Variants in IBTK observed in about 807,000 individuals in gnomAD.
The protein encoded by IBTK is BTK-binding protein.
In IBTK, 83 loss-of-function variants were observed where a neutral mutation model predicts 154.9. The ratio of observed to expected loss-of-function variants is 0.54; its 90% CI spans 0.45 to 0.64. IBTK has a LOEUF of 0.64. IBTK is among the 30% of genes least tolerant of loss of function. IBTK has a pLI of 0.00. For missense variants in IBTK, 1,332 were observed against 1,584.6 expected, an observed-to-expected ratio of 0.84 and a Z score of 2.71; for synonymous variants, 515 against 536.1, an observed-to-expected ratio of 0.96 and a Z score of 0.54.
In IBTK at chr6:82,185,692, AT is replaced by A. The variant is rs556999284; in HGVS notation, c.3576-3665del. Among the ~76,000 whole-genome samples the A allele has an allele frequency of 1.4e-4, 21 of 152,120 alleles. No individual in the cohort carries two copies. In the East Asian group the frequency reaches 3.9e-3, roughly 28 times the overall value. ...AAGTGATATACTGAATTATGTGGCT[AT>A]CTCATAATTTTATAATCACATGAAA... On this transcript the variant is annotated intron_variant, in intron 25 of 28. Coordinates refer to ENST00000306270, the MANE Select transcript of IBTK (RefSeq NM_015525.4).
At chr6:82,189,029 CA>C (rs201887108) in intron 25 of IBTK, 250 of 418,174 alleles carry the variant, frequency 6.0e-4, no homozygotes, top group East Asian at 1.1e-3. Context: ...GACTCCATCT[CA>C]AAAAAAAAGA....
intron 21 of IBTK, 29 bp downstream of exon 21, chr6:82,200,112 C>T (rs756857444): frequency 7.4e-7 from 1 of 1,344,184 alleles, no homozygotes. Flanking sequence ...AAGATTAGAA[C>T]TGGAAATACA....
At chr6:82,213,195 T>C (rs1346601442) in intron 12 of IBTK, among the ~76,000 whole-genome samples, 1 of 152,094 alleles carries the variant, frequency 6.6e-6, no homozygotes, top group African/African-American at 2.4e-5. Context: ...TCCCGGCTAA[T>C]TTTTGTAATT....
rs112636283 is a variant in IBTK, at chr6:82,201,395, G to A, written c.2790+27C>T. On this transcript the variant is annotated intron_variant, in intron 19 of 28. Transcript: ENST00000306270. Reference sequence around the variant, plus strand: ...TGCTTAAGCTGGTAATATTATAGCCGCGAAAATCTTAAAACATAAACCTTA... The same window carrying A: ...TGCTTAAGCTGGTAATATTATAGCCACGAAAATCTTAAAACATAAACCTTA... 1.7e-4 allele frequency: 265 copies of A among 1,550,002 alleles called. No homozygotes were observed. The African/African-American group carries it at 2.4e-3, about 14-fold the overall frequency.
intron 11 of IBTK, among the ~76,000 whole-genome samples, chr6:82,215,713 G>A (rs1769842700): frequency 1.3e-5 from 2 of 150,868 alleles, no homozygotes; most frequent in South Asian, 4.2e-4. Flanking sequence ...CTTCATCCTG[G>A]GAGGTGGAGG....
intron 21 of IBTK, 127 bp downstream of exon 21, chr6:82,200,014 C>G (rs1016607137): frequency 6.3e-6 from 4 of 638,770 alleles, no homozygotes; most frequent in Non-Finnish European, 5.4e-6. Flanking sequence ...AACTGGAGTA[C>G]TTACAATAAA....
Position 82,200,758 on chromosome 6 carries a change from T to G in IBTK, c.2791-50A>C, listed in dbSNP as rs554032166. ...TCAAATACAAAATCTGTGAAGTTTT[T>G]TTTTTTTTTTTTTTTTTTTTTTTGT... On this transcript the variant is annotated intron_variant, in intron 19 of 28. Coordinates refer to ENST00000306270, the MANE Select transcript of IBTK (RefSeq NM_015525.4). 9.8e-3 allele frequency: 11,736 copies of G among 1,203,528 alleles called. 24 individuals carry two copies. The highest frequency in any genetic ancestry group is 0.019 in the Middle Eastern group (63 of 3,396). 74.6% of individuals were successfully genotyped at this position (1,203,528 alleles called of 1,614,324 possible). A position where few individuals can be genotyped will look rare whatever the true frequency, so the allele number is the denominator to read the frequency against.
At chr6:82,231,685 T>A in intron 4 of IBTK, 33 bp downstream of exon 4, 4 of 1,522,556 alleles carry the variant, frequency 2.6e-6, no homozygotes, top group African/African-American at 1.4e-5. Flanking sequence ...CTTTCTCATC[T>A]CTAAAAGTAT....
At chr6:82,236,016 G>A (rs1770702212) in intron 2 of IBTK, among the ~76,000 whole-genome samples, 1 of 152,140 alleles carries the variant, frequency 6.6e-6, no homozygotes, top group Non-Finnish European at 1.5e-5. Flanking sequence ...TGGGATTACA[G>A]GCATGTGCCA....
At chr6:82,213,706 T>C (rs987967229) in intron 12 of IBTK, among the ~76,000 whole-genome samples, 10 of 152,138 alleles carry the variant, frequency 6.6e-5, no homozygotes, top group Non-Finnish European at 1.3e-4. Flanking sequence ...CAGATCCCTG[T>C]TACATACACA....
At position 82,214,630 on chromosome 6, in the gene IBTK, C is replaced by A; in HGVS notation, c.1801G>T (p.Glu601Ter). Residue 601 changes from glutamate to a stop codon, truncating the protein, a stop_gained, in exon 12 of 29, where the codon GAA (glutamate) becomes TAA (stop). Coordinates refer to ENST00000306270, the MANE Select transcript of IBTK (RefSeq NM_015525.4). LOFTEE classifies it high-confidence loss of function. ...KLFLSDGNTS[E>*]FTDIYQKDED... Reference sequence around the variant, plus strand: ...TCTTTCTGGTAAATATCTGTAAATTCTGAAGTATTACCATCTGAAAGAAAC... The same window carrying A: ...TCTTTCTGGTAAATATCTGTAAATTATGAAGTATTACCATCTGAAAGAAAC... 2 of 1,613,938 alleles carry A rather than the reference C, an allele frequency of 1.2e-6. No individual in the cohort carries two copies. Among genetic ancestry groups the A allele is most frequent in the Non-Finnish European group, 1.7e-6 (2 of 1,179,936 alleles).
intron 18 of IBTK, among the ~76,000 whole-genome samples, chr6:82,202,221 CTA>C (rs1361365996): frequency 2.0e-5 from 3 of 152,112 alleles, no homozygotes; most frequent in Non-Finnish European, 2.9e-5. Context: ...ACCAGGAACT[CTA>C]ATCTCAAATT....
chr6:82,199,975 A>C (rs112729083), intron 21 of IBTK, among the ~76,000 whole-genome samples, 166 bp downstream of exon 21: 24 of 152,222 alleles, frequency 1.6e-4, no homozygotes, highest in African/African-American at 5.8e-4. Context: ...TAGTTTGAGT[A>C]CCTCTTTTGT....
rs538194720 is a variant in IBTK, at chr6:82,231,784, G to A, written c.477C>T (p.Ser159=). 7 of 1,607,918 alleles carry A rather than the reference G, an allele frequency of 4.4e-6. No homozygotes were observed. The Middle Eastern group carries it at 6.6e-4, about 152-fold the overall frequency. Reference sequence around the variant, plus strand: ...ACTCTGGATGATGTTTGCTATTCTGGCTTCCATGACCCAGGGTAAAATTTG... The same window carrying A: ...ACTCTGGATGATGTTTGCTATTCTGACTTCCATGACCCAGGGTAAAATTTG... The part of the protein sequence containing the change: ...DNTNFTLGHG[S]QNSKHHPELV... The change falls in exon 4 of 29, where the codon AGC becomes AGT. Residue 159 remains serine (S), a synonymous_variant. Transcript: ENST00000306270.
intron 23 of IBTK, among the ~76,000 whole-genome samples, chr6:82,193,955 TACAGGCATGAGCCACCATGCCCA>T (rs1177162433): frequency 6.6e-6 from 1 of 152,186 alleles, no homozygotes; most frequent in Non-Finnish European, 1.5e-5. Flanking sequence ...GTGCTAGGAT[TACAGGCATGAGCCACCATGCCCA>T]GCCTTCATTT....
intron 3 of IBTK, among the ~76,000 whole-genome samples, chr6:82,233,275 C>T (rs780506885): frequency 4.6e-5 from 7 of 152,032 alleles, no homozygotes; most frequent in Non-Finnish European, 1.0e-4. Context: ...TGCAATGAGC[C>T]GTGTTCTTGC....
intron 16 of IBTK, among the ~76,000 whole-genome samples, chr6:82,209,798 A>G (rs1215617485): frequency 2.0e-5 from 3 of 152,242 alleles, no homozygotes; most frequent in Non-Finnish European, 4.4e-5. Flanking sequence ...AAGTATACAA[A>G]TCTTCAGAAA....
At chr6:82,208,454 C>T (rs1463354966) in intron 16 of IBTK, among the ~76,000 whole-genome samples, 2 of 152,046 alleles carry the variant, frequency 1.3e-5, no homozygotes, top group African/African-American at 4.8e-5. Context: ...AACAAGTCAA[C>T]ATAGACAATT....
chr6:82,201,865 C>A (rs527726980), intron 18 of IBTK, among the ~76,000 whole-genome samples: 5 of 152,066 alleles, frequency 3.3e-5, no homozygotes, highest in Admixed American at 1.3e-4. Context: ...GCTGAGACTA[C>A]CAGGCACACA....
Sources: gnomAD v4.1 joint callset for allele counts (sites outside exome capture counted in the v4.1 genomes callset) on GRCh38, gnomAD v4.1.1 for gene constraint, MANE v1.5 for transcripts, NCBI Gene and HGNC (gene_info 2026-07-23, HGNC 2026-07-21) for gene names.